Variants in FBN2 observed in about 807,000 individuals in gnomAD.
The protein encoded by FBN2 is fibrillin-2.
FBN2 carries 105 observed loss-of-function variants against 355.6 expected under a neutral mutation model. That is an observed-to-expected ratio of 0.30 (90% CI 0.25 to 0.35). The LOEUF (loss-of-function observed/expected upper bound fraction) is 0.35, where lower values mean the gene tolerates loss of function less well. Ranked by LOEUF, FBN2 falls within the 10% of genes least tolerant of loss-of-function variation. The pLI is 1.00. For missense variants in FBN2, 3,280 were observed against 3,758.7 expected, an observed-to-expected ratio of 0.87 and a Z score of 3.33; for synonymous variants, 1,350 against 1,301.2, an observed-to-expected ratio of 1.04 and a Z score of -0.81.
chr5:128,435,335 C>G (rs1459170746), intron 7 of FBN2, among the ~76,000 whole-genome samples: 1 of 152,102 alleles, frequency 6.6e-6, no homozygotes, highest in Non-Finnish European at 1.5e-5. Context: ...AATATATGCT[C>G]TAGTAAGTCA....
At chr5:128,320,944 C>G (rs1561769071) in intron 34 of FBN2, among the ~76,000 whole-genome samples, 1 of 152,034 alleles carries the variant, frequency 6.6e-6, no homozygotes, top group East Asian at 1.9e-4. Flanking sequence ...CCTTCCAACT[C>G]CTTATTTTTA....
chr5:128,370,430 T>C (rs1316712039), intron 15 of FBN2, among the ~76,000 whole-genome samples: 1 of 152,158 alleles, frequency 6.6e-6, no homozygotes, highest in Non-Finnish European at 1.5e-5. Context: ...CAGTGATTTA[T>C]GGCTGCATTA....
At chr5:128,382,925 G>A (rs1436234046) in intron 11 of FBN2, among the ~76,000 whole-genome samples, 1 of 151,962 alleles carries the variant, frequency 6.6e-6, no homozygotes, top group Non-Finnish European at 1.5e-5. Context: ...GGACACTTCT[G>A]TTCCCAGCCA....
intron 5 of FBN2, among the ~76,000 whole-genome samples, chr5:128,494,013 G>T (rs112287449): frequency 1.3e-5 from 1 of 77,902 alleles, no homozygotes; most frequent in Admixed American, 1.1e-4. Flanking sequence ...GCGAGACAGA[G>T]AGCTTTGTTT....
At chr5:128,534,886 T>G (rs891043131) in intron 2 of FBN2, among the ~76,000 whole-genome samples, 3 of 152,230 alleles carry the variant, frequency 2.0e-5, no homozygotes, top group Non-Finnish European at 4.4e-5. Flanking sequence ...TCACATTCAT[T>G]ACATTTAGTG....
rs772832233 is a variant in FBN2 at position 128,290,739 on chromosome 5, G to A, written c.6438C>T (p.Asp2146=). ...WGDPCELCPK[D]DEVAFQDLCP... Reference sequence around the variant, plus strand: ...TGATGTCATTGCTCTTACCTTCATCGTCTTTGGGGCACAGCTCACAGGGGT... The same window carrying A: ...TGATGTCATTGCTCTTACCTTCATCATCTTTGGGGCACAGCTCACAGGGGT... Residue 2146 remains aspartate, a synonymous_variant, in exon 50 of 65, where the codon GAC becomes GAT. Coordinates refer to ENST00000262464, the MANE Select transcript of FBN2 (RefSeq NM_001999.4). 13 of 1,613,928 alleles carry A rather than the reference G, an allele frequency of 8.1e-6. No individual in the cohort carries two copies. Among genetic ancestry groups the A allele is most frequent in the East Asian group, 2.2e-5 (1 of 44,894 alleles).
chr5:128,511,522 G>T (rs749460857), intron 5 of FBN2, among the ~76,000 whole-genome samples: 1 of 152,084 alleles, frequency 6.6e-6, no homozygotes, highest in Non-Finnish European at 1.5e-5. Context: ...CCATGTTTAT[G>T]CAGTCACATG....
At chr5:128,292,282 A>T (rs932144671) in intron 48 of FBN2, among the ~76,000 whole-genome samples, 15 of 152,102 alleles carry the variant, frequency 9.9e-5, no homozygotes, top group Admixed American at 3.3e-4. Flanking sequence ...CAGTGTTATC[A>T]TTTCCCCCTT....
chr5:128,435,909 T>C (rs1434863646), intron 7 of FBN2, among the ~76,000 whole-genome samples: 2 of 152,218 alleles, frequency 1.3e-5, no homozygotes, highest in African/African-American at 4.8e-5. Context: ...TTTATGACAA[T>C]GATGTTACCC....
Position 128,276,231 on chromosome 5 carries a change from T to C in FBN2, c.7472-71A>G, listed in dbSNP as rs1025424110. On this transcript the variant is annotated intron_variant, in intron 58 of 64. Transcript: ENST00000262464. Reference sequence around the variant, plus strand: ...AACCAGACTCTTTCCTCCTTCCATATTCTCACTTCATTCTTTTTGTTTTTC... The same window carrying C: ...AACCAGACTCTTTCCTCCTTCCATACTCTCACTTCATTCTTTTTGTTTTTC... 5.4e-6 allele frequency: 8 copies of C among 1,490,350 alleles called. No individual in the cohort carries two copies. In the East Asian group the frequency reaches 1.8e-4, roughly 34 times the overall value. The allele number at this position is 1,490,350 out of a possible 1,614,324, so 92.3% of individuals were successfully genotyped here.
intron 56 of FBN2, 117 bp from the exon 57 acceptor site, chr5:128,278,958 A>AGC: frequency 8.7e-6 from 7 of 808,050 alleles, no homozygotes; most frequent in Non-Finnish European, 1.2e-5. Flanking sequence ...AGACAGCTTA[A>AGC]TGTCTTAATT....
intron 41 of FBN2, 53 bp downstream of exon 41, chr5:128,309,194 T>C (rs772197715): frequency 3.4e-5 from 54 of 1,585,962 alleles, no homozygotes; most frequent in Non-Finnish European, 4.7e-5. Context: ...CTGTTAGATA[T>C]ATGCGTGTAT....
chr5:128,288,772 G>A (rs891603232), intron 52 of FBN2, among the ~76,000 whole-genome samples: 5 of 152,144 alleles, frequency 3.3e-5, no homozygotes, highest in Admixed American at 2.0e-4. Context: ...AGCAATACTC[G>A]CCCTAAAGAT....
At chr5:128,337,656 G>A (rs563855415) in intron 27 of FBN2, among the ~76,000 whole-genome samples, 1 of 152,328 alleles carries the variant, frequency 6.6e-6, no homozygotes, top group Admixed American at 6.5e-5. Flanking sequence ...CGAGTGGATG[G>A]GAAGACGCTG....
At chr5:128,422,687 GTAGTAA>G (rs996872956) in intron 7 of FBN2, among the ~76,000 whole-genome samples, 1 of 152,184 alleles carries the variant, frequency 6.6e-6, no homozygotes, top group Non-Finnish European at 1.5e-5. Flanking sequence ...GAATGAATAT[GTAGTAA>G]TAGAACTGAA....
chr5:128,408,670 T>C lies in FBN2; in HGVS notation c.1078+4A>G. The C allele has an allele frequency of 6.2e-7, 1 of 1,613,962 alleles. No individual in the cohort carries two copies. The highest frequency in any genetic ancestry group is 8.5e-7 in the Non-Finnish European group (1 of 1,179,858). On this transcript the variant is annotated splice_donor_region_variant and intron_variant, in intron 8 of 64. Coordinates refer to ENST00000262464, the MANE Select transcript of FBN2 (RefSeq NM_001999.4). ...GTATTGAGCCTTCAAAATGCGAGGC[T>C]TACCGATGCATCGAGAGCCATCTGT... is the stretch of plus-strand genomic sequence containing the variant.
At chr5:128,433,572 T>C (rs915625517) in intron 7 of FBN2, among the ~76,000 whole-genome samples, 2 of 152,224 alleles carry the variant, frequency 1.3e-5, no homozygotes, top group African/African-American at 4.8e-5. Flanking sequence ...CCTGGTAGCA[T>C]TTCTGAGAAT....
chr5:128,308,498 A>G (rs1194866695), intron 41 of FBN2, among the ~76,000 whole-genome samples: 1 of 152,192 alleles, frequency 6.6e-6, no homozygotes, highest in Non-Finnish European at 1.5e-5. Flanking sequence ...AATATTTGGT[A>G]ACAAATGCAT....
At chr5:128,341,858 T>C (rs1215161130) in intron 25 of FBN2, among the ~76,000 whole-genome samples, 3 of 152,218 alleles carry the variant, frequency 2.0e-5, no homozygotes, top group Non-Finnish European at 4.4e-5. Flanking sequence ...ATATCACAGG[T>C]AATTGAAATA....
Sources: allele counts gnomAD v4.1 joint callset (sites outside exome capture counted in the v4.1 genomes callset), GRCh38; gene constraint gnomAD v4.1.1; transcripts MANE v1.5; gene names NCBI Gene and HGNC (gene_info 2026-07-23, HGNC 2026-07-21).